The following PCDH15 variants were observed in gnomAD, a reference collection of about 807,000 sequenced individuals.
PCDH15 encodes the protein protocadherin related 15, also known as protocadherin-15.
Under a neutral mutation model 178.5 loss-of-function variants are expected in PCDH15, and 129 were observed. The ratio of observed to expected loss-of-function variants is 0.72; its 90% CI spans 0.63 to 0.84. The LOEUF (loss-of-function observed/expected upper bound fraction) is 0.84, where lower values mean the gene tolerates loss of function less well. Ranked by LOEUF, PCDH15 falls within the 40% of genes least tolerant of loss-of-function variation. PCDH15 has a pLI of 0.00. For missense variants in PCDH15, 2,230 were observed against 2,099.9 expected, an observed-to-expected ratio of 1.06 and a Z score of -1.21; for synonymous variants, 800 against 732.0, an observed-to-expected ratio of 1.09 and a Z score of -1.50.
intron 2 of PCDH15, among the ~76,000 whole-genome samples, chr10:55,421,418 T>C (rs1284474365): frequency 7.5e-6 from 1 of 132,656 alleles, no homozygotes; most frequent in East Asian, 2.0e-4. Flanking sequence ...TTTATTCATA[T>C]ATATTTGTAT....
At chr10:54,367,211 A>G (rs1946940021) in intron 5 of PCDH15, among the ~76,000 whole-genome samples, 1 of 152,084 alleles carries the variant, frequency 6.6e-6, no homozygotes, top group African/African-American at 2.4e-5. Flanking sequence ...ATTATCAGGG[A>G]GAATTTGAGA....
At chr10:54,486,769 G>T (rs2079135481) in intron 3 of PCDH15, among the ~76,000 whole-genome samples, 1 of 151,884 alleles carries the variant, frequency 6.6e-6, no homozygotes, top group Admixed American at 6.6e-5. Context: ...TGTATTTATA[G>T]TGCTATATAA....
At chr10:54,881,824 A>T (rs969823915) in intron 3 of PCDH15, among the ~76,000 whole-genome samples, 2 of 152,140 alleles carry the variant, frequency 1.3e-5, no homozygotes, top group African/African-American at 2.4e-5. Flanking sequence ...CCAAAGTTTT[A>T]AGTATTAAAA....
chr10:54,399,624 A>G (rs555078462), intron 3 of PCDH15, among the ~76,000 whole-genome samples: 11 of 152,232 alleles, frequency 7.2e-5, no homozygotes, highest in South Asian at 4.1e-4. Context: ...ACTAGAGATG[A>G]GTCTCAAGTG....
chr10:54,068,872 C>T (rs2094186999), intron 17 of PCDH15, among the ~76,000 whole-genome samples: 1 of 152,056 alleles, frequency 6.6e-6, no homozygotes, highest in South Asian at 2.1e-4. Flanking sequence ...AGATTATTTA[C>T]TTTAAAAGAT....
chr10:54,381,333 T>G (rs1195767622), intron 3 of PCDH15, among the ~76,000 whole-genome samples: 2 of 152,090 alleles, frequency 1.3e-5, no homozygotes, highest in African/African-American at 2.4e-5. Flanking sequence ...TGACTGTATC[T>G]TTCCACACAT....
chr10:55,435,938 A>G (rs1435503383), intron 2 of PCDH15, among the ~76,000 whole-genome samples: 1 of 152,168 alleles, frequency 6.6e-6, no homozygotes, highest in Non-Finnish European at 1.5e-5. Context: ...TTCCATGTCA[A>G]CTTTTATTAA....
chr10:55,073,430 A>T (rs1050206353), intron 2 of PCDH15, among the ~76,000 whole-genome samples: 1 of 152,140 alleles, frequency 6.6e-6, no homozygotes, highest in African/African-American at 2.4e-5. Flanking sequence ...TGTACAAAAA[A>T]TCACAAGCAT....
At chr10:55,120,590 G>A (rs1837741239) in intron 2 of PCDH15, among the ~76,000 whole-genome samples, 1 of 152,166 alleles carries the variant, frequency 6.6e-6, no homozygotes, top group South Asian at 2.1e-4. Context: ...GAAATTCAAA[G>A]ATGTGGCATC....
In PCDH15 at chr10:54,528,392, A is replaced by C. The variant is rs1283842168; in HGVS notation, c.92-515T>G. On this transcript the variant is annotated intron_variant, in intron 2 of 37. Coordinates refer to ENST00000644397, the MANE Select transcript of PCDH15 (RefSeq NM_001384140.1). ...TTTTTATTTTTGTCATCTTACCCTC[A>C]TATTGCCAGTCTGGAGTCAAAAGTA... is the stretch of plus-strand genomic sequence containing the variant. 6.3e-7 allele frequency: 1 copy of C among 1,576,968 alleles called. No homozygotes were observed. The highest frequency in any genetic ancestry group is 8.6e-7 in the Non-Finnish European group (1 of 1,159,040).
chr10:55,481,015 C>T (rs1292616875), intron 2 of PCDH15, among the ~76,000 whole-genome samples: 1 of 151,706 alleles, frequency 6.6e-6, no homozygotes, highest in Non-Finnish European at 1.5e-5. Flanking sequence ...AATTTCAGAA[C>T]TCATTATTGG....
chr10:53,920,283 G>C (rs1321521862), intron 25 of PCDH15, among the ~76,000 whole-genome samples: 2 of 151,924 alleles, frequency 1.3e-5, no homozygotes, highest in African/African-American at 4.8e-5. Flanking sequence ...TAAAACATTA[G>C]AATTGTCTAT....
chr10:54,417,995 T>A (rs528376456), intron 3 of PCDH15, among the ~76,000 whole-genome samples: 1 of 152,156 alleles, frequency 6.6e-6, no homozygotes, highest in South Asian at 2.1e-4. Flanking sequence ...GCGTTACAGC[T>A]TCAAACTACT....
chr10:54,344,493 A>T (rs1278357160), intron 6 of PCDH15, among the ~76,000 whole-genome samples: 1 of 152,164 alleles, frequency 6.6e-6, no homozygotes, highest in African/African-American at 2.4e-5. Flanking sequence ...AACTATATCT[A>T]AACATTGAAT....
At chr10:55,021,378 G>T (rs1429374672) in intron 2 of PCDH15, among the ~76,000 whole-genome samples, 1 of 152,098 alleles carries the variant, frequency 6.6e-6, no homozygotes, top group Non-Finnish European at 1.5e-5. Flanking sequence ...CCACCAAAAA[G>T]TTACTGAATA....
At chr10:54,421,662 G>GTATATA (rs1335026971) in intron 3 of PCDH15, among the ~76,000 whole-genome samples, 16 of 70,954 alleles carry the variant, frequency 2.3e-4, no homozygotes, top group African/African-American at 9.7e-4. Context: ...CATGTGTAGT[G>GTATATA]TATATATACA....
At chr10:55,144,841 A>T (rs1838459934) in intron 2 of PCDH15, among the ~76,000 whole-genome samples, 1 of 152,158 alleles carries the variant, frequency 6.6e-6, no homozygotes, top group African/African-American at 2.4e-5. Context: ...TTTTATTTAG[A>T]CATTCATTAC....
intron 26 of PCDH15, among the ~76,000 whole-genome samples, chr10:53,888,304 A>ATGTATG (rs367603952): frequency 1.1e-5 from 1 of 88,976 alleles, no homozygotes; most frequent in African/African-American, 5.8e-5. Context: ...ATATATATAT[A>ATGTATG]TATATGTATA....
intron 2 of PCDH15, among the ~76,000 whole-genome samples, chr10:55,576,759 TAG>T (rs1372902718): frequency 1.3e-5 from 2 of 151,332 alleles, no homozygotes; most frequent in African/African-American, 2.4e-5. Flanking sequence ...AATGAAAACA[TAG>T]AGTTGGACAA....
Sources: allele counts gnomAD v4.1 joint callset (sites outside exome capture counted in the v4.1 genomes callset), GRCh38; gene constraint gnomAD v4.1.1; transcripts MANE v1.5; gene names NCBI Gene and HGNC (gene_info 2026-07-23, HGNC 2026-07-21).